OCA2: variants seen among roughly 807,000 people sequenced by gnomAD.
OCA2 encodes P protein.
A neutral mutation model predicts 100.2 loss-of-function variants in OCA2; 77 were observed. The ratio of observed to expected loss-of-function variants is 0.77; its 90% confidence interval spans 0.64 to 0.93. OCA2 has a LOEUF of 0.93. Ranked by LOEUF, OCA2 falls within the 40% of genes least tolerant of loss-of-function variation. The pLI is 0.00. For synonymous variants in OCA2, 432 were observed against 439.2 expected, an observed-to-expected ratio of 0.98 and a Z score of 0.21; for missense variants, 1,062 against 1,089.1, an observed-to-expected ratio of 0.98 and a Z score of 0.35.
chr15:28,043,562 G>A lies in OCA2; in HGVS notation c.228-11399C>T, dbSNP rs111927452. Among the ~76,000 whole-genome samples the A allele has an allele frequency of 0.011, 1,658 of 152,240 alleles. 45 individuals are homozygous for A. Among genetic ancestry groups the A allele is most frequent in the African/African-American group, 0.038 (1,575 of 41,524 alleles). On this transcript the variant is annotated intron_variant, in intron 2 of 23. Coordinates refer to ENST00000354638, the MANE Select transcript of OCA2 (RefSeq NM_000275.3). This position sits in a 1 kb window ranked among gnomAD's most constrained non-coding sequence, Gnocchi z 4.4. ...GCAATCCTTCCTTTTCAAAGCAAACGGATGGAACATGAAAGACTCCTGTTT... is the reference window on the plus strand; with the variant it reads ...GCAATCCTTCCTTTTCAAAGCAAACAGATGGAACATGAAAGACTCCTGTTT...
At chr15:27,903,409 G>A (rs1233466811) in intron 19 of OCA2, among the ~76,000 whole-genome samples, 4 of 152,216 alleles carry the variant, frequency 2.6e-5, no homozygotes, top group Non-Finnish European at 5.9e-5. Context: ...AGAAAGTGTC[G>A]CTTGGGAGAT....
At chr15:27,984,794 A>T (rs1034740038) in intron 13 of OCA2, among the ~76,000 whole-genome samples, 1 of 152,200 alleles carries the variant, frequency 6.6e-6, no homozygotes, top group African/African-American at 2.4e-5. Flanking sequence ...ATGTCTCCCC[A>T]TGAGACCACA....
chr15:28,036,243 T>C (rs1483084649), intron 2 of OCA2, among the ~76,000 whole-genome samples: 1 of 152,210 alleles, frequency 6.6e-6, no homozygotes, highest in Admixed American at 6.5e-5. Flanking sequence ...AAACACTATG[T>C]GAGTCCTGGT....
chr15:27,832,018 C>T (rs1302315649), intron 23 of OCA2, among the ~76,000 whole-genome samples: 1 of 152,020 alleles, frequency 6.6e-6, no homozygotes, highest in Admixed American at 6.5e-5. Flanking sequence ...ACCCCCTGCT[C>T]CGTCAGAGAC....
Position 28,081,693 on chromosome 15 carries a change from C to T in OCA2, c.182G>A (p.Trp61Ter), listed in dbSNP as rs752161782. The T allele has an allele frequency of 3.1e-6, 5 of 1,613,772 alleles. No homozygotes were observed. The highest frequency in any genetic ancestry group is 1.3e-5 in the African/African-American group (1 of 74,942). Reference sequence around the variant, plus strand: ...AGCAAACTCCTGGCCTGCAGGAGCCCAAGAGCTCTGCCCGGCAGCCCCCCT... The same window carrying T: ...AGCAAACTCCTGGCCTGCAGGAGCCTAAGAGCTCTGCCCGGCAGCCCCCCT... ...CPRGAAGQSSWAPAGQEFASF... is the reference protein window; with the variant it reads ...CPRGAAGQSS The change falls in exon 2 of 24, where the codon TGG becomes TAG. Residue 61 changes from tryptophan (W) to a stop codon, truncating the protein, a stop_gained. Transcript: ENST00000354638. LOFTEE classifies it high-confidence loss of function.
chr15:27,991,739 T>C (rs1482875838), intron 9 of OCA2, among the ~76,000 whole-genome samples: 1 of 152,068 alleles, frequency 6.6e-6, no homozygotes, highest in African/African-American at 2.4e-5. Context: ...GTTAAAAAAA[T>C]ACAAAAAGAA....
At chr15:27,830,892 T>C (rs1210903103) in intron 23 of OCA2, among the ~76,000 whole-genome samples, 2 of 152,308 alleles carry the variant, frequency 1.3e-5, no homozygotes, top group East Asian at 3.9e-4. Context: ...GTTACATACA[T>C]ATAGAAAGTT....
intron 1 of OCA2, among the ~76,000 whole-genome samples, chr15:28,086,245 G>GCATT (rs767742100): frequency 9.9e-5 from 15 of 152,180 alleles, no homozygotes; most frequent in Non-Finnish European, 1.9e-4. Context: ...GAGAGTCAGG[G>GCATT]CATTCACTTC....
chr15:28,063,802 A>G (rs1403010177), intron 2 of OCA2, among the ~76,000 whole-genome samples: 1 of 152,184 alleles, frequency 6.6e-6, no homozygotes, highest in Non-Finnish European at 1.5e-5. Flanking sequence ...TGTCATTTAA[A>G]GCAGATGGTA....
At chr15:27,956,489 A>T (rs1271816121) in intron 16 of OCA2, among the ~76,000 whole-genome samples, 1 of 152,176 alleles carries the variant, frequency 6.6e-6, no homozygotes, top group Non-Finnish European at 1.5e-5. Flanking sequence ...AGAGGAGCTG[A>T]TGGGAACGTG....
chr15:28,017,949 G>A (rs2042451741), intron 7 of OCA2, among the ~76,000 whole-genome samples: 1 of 152,110 alleles, frequency 6.6e-6, no homozygotes, highest in African/African-American at 2.4e-5. Flanking sequence ...AAGGCTCAGA[G>A]ACAAGGCTGA....
intron 23 of OCA2, among the ~76,000 whole-genome samples, chr15:27,815,011 G>T (rs2034242380): frequency 6.6e-6 from 1 of 151,932 alleles, no homozygotes; most frequent in Admixed American, 6.6e-5. Context: ...AGGAAAATAA[G>T]GAGATGGTGT....
At chr15:27,831,618 C>T (rs1343208533) in intron 23 of OCA2, among the ~76,000 whole-genome samples, 2 of 152,212 alleles carry the variant, frequency 1.3e-5, no homozygotes, top group Admixed American at 6.5e-5. Context: ...AGTGGGCACC[C>T]AGCTCAGACC....
downstream of OCA2, among the ~76,000 whole-genome samples, chr15:27,753,692 G>A (rs1007522230): frequency 1.3e-4 from 19 of 151,926 alleles, no homozygotes; most frequent in African/African-American, 3.1e-4. Context: ...AGCTGAGATC[G>A]CACCACTACA....
chr15:27,819,469 G>T (rs758188167), intron 23 of OCA2, among the ~76,000 whole-genome samples: 1 of 152,224 alleles, frequency 6.6e-6, no homozygotes, highest in African/African-American at 2.4e-5. Flanking sequence ...CTATACTGTG[G>T]ACGCTGAAGG....
chr15:27,802,274 A>C (rs930715189), intron 23 of OCA2, among the ~76,000 whole-genome samples: 2 of 152,224 alleles, frequency 1.3e-5, no homozygotes, highest in African/African-American at 4.8e-5. Context: ...TGAAAACAAC[A>C]CAATATTGCT....
At chr15:27,821,210 T>C (rs1470480745) in intron 23 of OCA2, among the ~76,000 whole-genome samples, 1 of 152,168 alleles carries the variant, frequency 6.6e-6, no homozygotes, top group African/African-American at 2.4e-5. Flanking sequence ...AGAGAGGTTA[T>C]GCACACTCTT....
At chr15:27,888,643 A>C (rs1036412769) in intron 19 of OCA2, among the ~76,000 whole-genome samples, 3 of 152,210 alleles carry the variant, frequency 2.0e-5, no homozygotes, top group African/African-American at 7.2e-5. Context: ...TAAAATATAC[A>C]ATAACAGAAT....
chr15:27,988,872 C>T (rs554925616), intron 11 of OCA2, among the ~76,000 whole-genome samples: 101 of 152,278 alleles, frequency 6.6e-4, no homozygotes, highest in African/African-American at 2.3e-3. Flanking sequence ...CGGTTTCCAT[C>T]AGGTCACATA....
Sources: gnomAD v4.1 joint callset for allele counts (sites outside exome capture counted in the v4.1 genomes callset) on GRCh38, gnomAD v4.1.1 for gene constraint, Gnocchi (gnomAD v3.1) non-coding constraint, MANE v1.5 for transcripts, NCBI Gene and HGNC (gene_info 2026-07-23, HGNC 2026-07-21) for gene names.